ERAP2: variants seen among roughly 807,000 people sequenced by gnomAD.
The protein encoded by ERAP2 is leukocyte-derived arginine aminopeptidase.
ERAP2 carries 118 observed loss-of-function variants against 111.1 expected under a neutral mutation model. The ratio of observed to expected loss-of-function variants is 1.06; its 90% CI spans 0.92 to 1.24. ERAP2 has a LOEUF of 1.24. ERAP2 is among the 50% of genes most tolerant of loss of function. ERAP2 has a pLI of 0.00. For missense variants in ERAP2, 1,131 were observed against 1,125.8 expected (o/e 1.00, Z -0.07); for synonymous variants, 410 against 401.2 (o/e 1.02, Z -0.26).
At chr5:96,896,062 G>A (rs553938163) in intron 7 of ERAP2, among the ~76,000 whole-genome samples, 4 of 152,234 alleles carry the variant, frequency 2.6e-5, no homozygotes, top group Non-Finnish European at 5.9e-5. Context: ...CAGATGATAG[G>A]TCTAGGCACG....
At chr5:96,910,467 T>TA (rs1041434651) in intron 15 of ERAP2, among the ~76,000 whole-genome samples, 28 of 151,060 alleles carry the variant, frequency 1.9e-4, no homozygotes, top group East Asian at 9.7e-4. Flanking sequence ...AAAAAAAACT[T>TA]AAAAAAAAAC....
Position 96,879,955 on chromosome 5 carries a change from C to G in ERAP2, c.270C>G (p.Asp90Glu). Residue 90 changes from aspartate to glutamate, a missense_variant, in exon 2 of 19, where the codon GAC becomes GAG. Physicochemically the swap from Asp to Glu is conservative, Grantham distance 45. Transcript: ENST00000437043. ...LFVHPNLTSLDFVASEKIEVL... is the reference protein window; with the variant it reads ...LFVHPNLTSLEFVASEKIEVL... Reference sequence around the variant, plus strand: ...TCCACCCCAATCTCACCTCTCTGGACTTTGTTGCATCTGAGAAGATCGAAG... The same window carrying G: ...TCCACCCCAATCTCACCTCTCTGGAGTTTGTTGCATCTGAGAAGATCGAAG... 6.2e-7 allele frequency: 1 copy of G among 1,614,184 alleles called. No individual in the cohort carries two copies.
chr5:96,910,071 C>A (rs1287832632), intron 15 of ERAP2: 1 of 216,332 alleles, frequency 4.6e-6, no homozygotes, highest in Non-Finnish European at 9.6e-6. Context: ...TCAAGACCAG[C>A]CTGGCCAACA....
Position 96,918,780 on chromosome 5 carries a change from T to C in ERAP2, c.*1175T>C, listed in dbSNP as rs1413872070. ...TCTTTTGAAATTTGCAGAATTAGAT[T>C]GTATTGTGTATTTTCGGTTAAATGA... On this transcript the variant is annotated 3_prime_UTR_variant, in exon 19 of 19. Transcript: ENST00000437043. 6.6e-6 allele frequency: 1 copy of C among 152,188 alleles called. No individual in the cohort carries two copies. The highest frequency in any genetic ancestry group is 6.5e-5 in the Admixed American group (1 of 15,286). The allele number at this position is 152,188 out of a possible 1,614,324, so 9.4% of individuals were successfully genotyped here.
rs1785293915 is a variant in ERAP2 at position 96,900,150 on chromosome 5, T to C, written c.1533T>C (p.Gly511=). ...NSCLESDFTS[G]GVCHSDPKMT... ...GTTTAGAAAGTGATTTTACATCTGG[T>C]GGAGTTTGTCATTCGGATCCCAAGA... The change falls in exon 10 of 19, where the codon GGT becomes GGC. Residue 511 remains glycine, a synonymous_variant. Coordinates refer to ENST00000437043, the MANE Select transcript of ERAP2 (RefSeq NM_022350.5). The C allele has an allele frequency of 6.2e-7, 1 of 1,613,890 alleles. No individual in the cohort carries two copies. Among genetic ancestry groups the C allele is most frequent in the East Asian group, 2.2e-5 (1 of 44,868 alleles).
rs552140817 is a variant in ERAP2 at position 96,894,717 on chromosome 5, A to G, written c.1126-529A>G. ...GCCCACTGAAGTAAGTCAGGGGCAG[A>G]GGTTAACAACTGAATTTGCTCTTCA... On this transcript the variant is annotated intron_variant, in intron 6 of 18. Transcript: ENST00000437043. Among the ~76,000 whole-genome samples, 3 of 152,214 alleles carry G rather than the reference A, an allele frequency of 2.0e-5. No individual in the cohort carries two copies. In the East Asian group the frequency reaches 5.8e-4, roughly 29 times the overall value.
chr5:96,889,410 T>A (rs1214287568), intron 5 of ERAP2, 105 bp downstream of exon 5: 1 of 1,250,756 alleles, frequency 8.0e-7, no homozygotes. Context: ...ACTGAGGAAT[T>A]CAGTTAGCTC....
chr5:96,917,419 C>A (rs1430712181), intron 18 of ERAP2, 43 bp from the exon 19 acceptor site: 1 of 1,577,874 alleles, frequency 6.3e-7, no homozygotes, highest in Non-Finnish European at 8.6e-7. Context: ...CCACACTCGG[C>A]CAAGACAAAG....
chr5:96,889,718 C>A (rs1405277058), intron 5 of ERAP2, among the ~76,000 whole-genome samples: 1 of 152,098 alleles, frequency 6.6e-6, no homozygotes, highest in Non-Finnish European at 1.5e-5. Flanking sequence ...CGGACATCAA[C>A]GCTCTCATCC....
At chr5:96,895,093 A>T (rs1284255158) in intron 6 of ERAP2, among the ~76,000 whole-genome samples, 153 bp from the exon 7 acceptor site, 1 of 152,154 alleles carries the variant, frequency 6.6e-6, no homozygotes, top group Non-Finnish European at 1.5e-5. Flanking sequence ...CAAGGAAATC[A>T]GTAGAAGAAA....
chr5:96,897,427 T>G (rs1452388148), intron 9 of ERAP2, among the ~76,000 whole-genome samples: 2 of 152,250 alleles, frequency 1.3e-5, no homozygotes, highest in Non-Finnish European at 1.5e-5. Flanking sequence ...TTCGTTTGCC[T>G]GTCTGCTAAA....
intron 4 of ERAP2, among the ~76,000 whole-genome samples, chr5:96,887,100 T>TATACACAC (rs1478213165): frequency 7.3e-6 from 1 of 137,456 alleles, no homozygotes; most frequent in Non-Finnish European, 1.6e-5. Context: ...TATATATATA[T>TATACACAC]ACACACACAC....
chr5:96,905,341 A>G (rs948485166), intron 13 of ERAP2, among the ~76,000 whole-genome samples: 1 of 152,168 alleles, frequency 6.6e-6, no homozygotes, highest in African/African-American at 2.4e-5. Context: ...TCAAAATGCT[A>G]TTGTTGAGTG....
At chr5:96,879,537 T>G (rs1782921325) in intron 1 of ERAP2, 27 bp from the exon 2 acceptor site, 2 of 605,188 alleles carry the variant, frequency 3.3e-6, no homozygotes, top group Non-Finnish European at 2.9e-6. Context: ...TTTTTTGTCA[T>G]GCTATAAGTG....
Position 96,891,471 on chromosome 5 carries a change from GTATA to G in ERAP2, c.971-818_971-815del, listed in dbSNP as rs140204785. Among the ~76,000 whole-genome samples, 615 of 101,422 alleles carry G rather than the reference GTATA, an allele frequency of 6.1e-3. 6 individuals carry two copies. Among genetic ancestry groups the G allele is most frequent in the East Asian group, 0.041 (139 of 3,410 alleles). The allele number at this position is 101,422 out of a possible 152,430, so 66.5% of individuals were successfully genotyped here. On this transcript the variant is annotated intron_variant, in intron 5 of 18. Coordinates refer to ENST00000437043, the MANE Select transcript of ERAP2 (RefSeq NM_022350.5). ...TATATACACACACACACATATACAGGTATATATATATATGTGTGTGTGTGTGTGT... is the reference window on the plus strand; with the variant it reads ...TATATACACACACACACATATACAGGTATATATATGTGTGTGTGTGTGTGT...
At chr5:96,916,298 G>A (rs1581923115) in intron 18 of ERAP2, among the ~76,000 whole-genome samples, 4 of 151,498 alleles carry the variant, frequency 2.6e-5, no homozygotes, top group Admixed American at 1.3e-4. Flanking sequence ...CTTAAAATAC[G>A]TGTATTCATA....
chr5:96,896,746 G>T lies in ERAP2; in HGVS notation c.1386G>T (p.Leu462Phe). ...EVSYNKGACI[L>F]NMLKDFLGEE... ...TTTTTTTAAAGGGAGCTTGTATTTT[G>T]AATATGCTCAAGGATTTTCTGGGTG... Residue 462 changes from leucine to phenylalanine, a missense_variant, in exon 9 of 19, where the codon TTG becomes TTT. Coordinates refer to ENST00000437043, the MANE Select transcript of ERAP2 (RefSeq NM_022350.5). 1.3e-6 allele frequency: 2 copies of T among 1,574,284 alleles called. No individual in the cohort carries two copies. The highest frequency in any genetic ancestry group is 2.3e-5 in the East Asian group (1 of 44,012).
At chr5:96,899,034 T>C (rs1581857672) in intron 9 of ERAP2, among the ~76,000 whole-genome samples, 3 of 152,324 alleles carry the variant, frequency 2.0e-5, no homozygotes, top group South Asian at 4.1e-4. Context: ...AAAAGAAAAT[T>C]TGGCCAGCAA....
intron 4 of ERAP2, among the ~76,000 whole-genome samples, chr5:96,888,153 TAAAAGAAAAA>T (rs2151136843): frequency 1.0e-5 from 1 of 100,236 alleles, no homozygotes; most frequent in East Asian, 2.9e-4. Context: ...AAGAAAAGAA[TAAAAGAAAAA>T]AAAAGAAAAA....
Sources: gnomAD v4.1 joint callset for allele counts (sites outside exome capture counted in the v4.1 genomes callset) on GRCh38, gnomAD v4.1.1 for gene constraint, MANE v1.5 for transcripts, NCBI Gene and HGNC (gene_info 2026-07-23, HGNC 2026-07-21) for gene names.